The following KIAA1217 variants were observed in gnomAD, a reference collection of about 807,000 sequenced individuals.
The protein encoded by KIAA1217 is KIAA1217.
KIAA1217 carries 88 observed loss-of-function variants against 163.9 expected under a neutral mutation model. The observed-to-expected ratio is 0.54, with a 90% CI of 0.45 to 0.64. The LOEUF (loss-of-function observed/expected upper bound fraction) is 0.64. Ranked by LOEUF, KIAA1217 falls within the 30% of genes least tolerant of loss-of-function variation. KIAA1217 has a pLI of 0.00. For missense variants in KIAA1217, 2,372 were observed against 2,475.0 expected, an observed-to-expected ratio of 0.96 and a Z score of 0.88; for synonymous variants, 903 against 923.1, an observed-to-expected ratio of 0.98 and a Z score of 0.39.
At chr10:23,746,031 C>G (rs1839395637) in intron 1 of KIAA1217, among the ~76,000 whole-genome samples, 1 of 152,158 alleles carries the variant, frequency 6.6e-6, no homozygotes, top group Non-Finnish European at 1.5e-5. Flanking sequence ...TTATTGCTGC[C>G]ATTTGTTTGT....
At chr10:24,077,517 C>T (rs934240988) in intron 2 of KIAA1217, among the ~76,000 whole-genome samples, 19 of 152,170 alleles carry the variant, frequency 1.2e-4, no homozygotes, top group Non-Finnish European at 2.4e-4. Context: ...GATCTCATTC[C>T]TTTTTATGGT....
intron 1 of KIAA1217, among the ~76,000 whole-genome samples, chr10:23,796,769 C>A (rs963560831): frequency 2.6e-5 from 4 of 152,094 alleles, no homozygotes; most frequent in Non-Finnish European, 5.9e-5. Context: ...CCCACTAGGA[C>A]CTTACACAGG....
chr10:24,121,910 G>A (rs959461586), intron 2 of KIAA1217, among the ~76,000 whole-genome samples: 2 of 152,074 alleles, frequency 1.3e-5, no homozygotes, highest in Non-Finnish European at 2.9e-5. Flanking sequence ...CATCACTAAC[G>A]GGTATGGGGG....
chr10:24,025,447 C>T (rs1255802058), intron 2 of KIAA1217, among the ~76,000 whole-genome samples: 3 of 151,670 alleles, frequency 2.0e-5, no homozygotes, highest in Non-Finnish European at 4.4e-5. Context: ...GAAGAGTTAG[C>T]TCTTCCACTT....
At chr10:23,835,754 C>A (rs1838415658) in intron 1 of KIAA1217, among the ~76,000 whole-genome samples, 1 of 151,698 alleles carries the variant, frequency 6.6e-6, no homozygotes, top group African/African-American at 2.4e-5. Flanking sequence ...TTTTTTCTAT[C>A]CCATTTCACA....
intron 2 of KIAA1217, among the ~76,000 whole-genome samples, chr10:24,332,331 G>C (rs2133581887): frequency 6.6e-6 from 1 of 152,326 alleles, no homozygotes; most frequent in African/African-American, 2.4e-5. Flanking sequence ...CCAGCGTAGA[G>C]AGAATATAGA....
intron 2 of KIAA1217, among the ~76,000 whole-genome samples, chr10:24,012,488 AG>A (rs1440633199): frequency 6.6e-6 from 1 of 152,186 alleles, no homozygotes; most frequent in East Asian, 1.9e-4. Flanking sequence ...GATAAAGAGA[AG>A]CAGTAGGAAA....
At chr10:24,405,285 T>G (rs2057085568) in intron 3 of KIAA1217, among the ~76,000 whole-genome samples, 1 of 152,170 alleles carries the variant, frequency 6.6e-6, no homozygotes, top group African/African-American at 2.4e-5. Context: ...CTTTGCAACT[T>G]TCTTATTATA....
chr10:24,161,579 G>C (rs2065122119), intron 2 of KIAA1217, among the ~76,000 whole-genome samples: 1 of 152,246 alleles, frequency 6.6e-6, no homozygotes, highest in Non-Finnish European at 1.5e-5. Context: ...ACACAGGAAA[G>C]TTGAGAAGGT....
chr10:24,507,124 A>T (rs1564821335), intron 9 of KIAA1217, among the ~76,000 whole-genome samples: 1 of 152,194 alleles, frequency 6.6e-6, no homozygotes, highest in African/African-American at 2.4e-5. Flanking sequence ...AACTAGCCCC[A>T]GAGGAAAGAC....
At chr10:23,794,060 G>C (rs1324408609) in intron 1 of KIAA1217, among the ~76,000 whole-genome samples, 1 of 152,064 alleles carries the variant, frequency 6.6e-6, no homozygotes, top group Non-Finnish European at 1.5e-5. Flanking sequence ...AACATCGTAA[G>C]ATCATAGAAT....
At chr10:23,820,284 G>A (rs1419666243) in intron 1 of KIAA1217, among the ~76,000 whole-genome samples, 2 of 152,100 alleles carry the variant, frequency 1.3e-5, no homozygotes, top group Non-Finnish European at 2.9e-5. Flanking sequence ...ACGGACAGAG[G>A]CCTACTAGCT....
At position 24,507,083 on chromosome 10, in the gene KIAA1217, G is replaced by A. The variant is rs753487694; in HGVS notation, c.2001+5538G>A. On this transcript the variant is annotated intron_variant, in intron 9 of 20. Transcript: ENST00000376454. The stretch of plus-strand genomic sequence containing the variant: ...AGCACCTGGGCATTTTGTAGAGATC[G>A]GAGAAGGACTGTGCCTCAGTCTTAG... Among the ~76,000 whole-genome samples the A allele has an allele frequency of 3.9e-5, 6 of 152,292 alleles. No homozygotes were observed. The East Asian group carries it at 5.8e-4, about 15-fold the overall frequency.
At chr10:24,293,332 A>G (rs751189618) in intron 2 of KIAA1217, among the ~76,000 whole-genome samples, 17 of 152,116 alleles carry the variant, frequency 1.1e-4, no homozygotes, top group Non-Finnish European at 1.6e-4. Flanking sequence ...CGGCCTCCCA[A>G]AGTGCTGGGA....
chr10:23,908,636 C>G (rs150806394), intron 1 of KIAA1217, among the ~76,000 whole-genome samples: 1 of 152,132 alleles, frequency 6.6e-6, no homozygotes, highest in East Asian at 1.9e-4. Flanking sequence ...CAGGACATCT[C>G]CCCTGAGTGA....
At chr10:24,507,699 T>C (rs2068553268) in intron 9 of KIAA1217, among the ~76,000 whole-genome samples, 1 of 152,146 alleles carries the variant, frequency 6.6e-6, no homozygotes, top group Non-Finnish European at 1.5e-5. Context: ...AAAAAGGTAA[T>C]GACTGAATTT....
intron 2 of KIAA1217, among the ~76,000 whole-genome samples, chr10:24,186,338 G>A (rs2066427146): frequency 6.6e-6 from 1 of 152,096 alleles, no homozygotes; most frequent in East Asian, 1.9e-4. Flanking sequence ...AAATTCTTGA[G>A]TCATACTTTA....
intron 2 of KIAA1217, among the ~76,000 whole-genome samples, chr10:24,089,723 G>A (rs1429331771): frequency 6.6e-6 from 1 of 151,770 alleles, no homozygotes; most frequent in Non-Finnish European, 1.5e-5. Context: ...TTGAAGTCAG[G>A]TAGCGTGACA....
chr10:24,007,836 T>C (rs11013847), intron 2 of KIAA1217, among the ~76,000 whole-genome samples: 35,278 of 152,104 alleles, frequency 0.23, 4,996 homozygotes, highest in Middle Eastern at 0.41. Flanking sequence ...GTCAGTCCAA[T>C]TATATGATCT....
Sources: gnomAD v4.1 joint callset for allele counts (sites outside exome capture counted in the v4.1 genomes callset) on GRCh38, gnomAD v4.1.1 for gene constraint, MANE v1.5 for transcripts, NCBI Gene and HGNC (gene_info 2026-07-23, HGNC 2026-07-21) for gene names.